IL34: variants seen among roughly 807,000 people sequenced by gnomAD.
IL34 encodes interleukin 34.
Under a neutral mutation model 25.3 loss-of-function variants are expected in IL34, and 17 were observed. The ratio of observed to expected loss-of-function variants is 0.67; its 90% CI spans 0.46 to 1.01. The LOEUF (loss-of-function observed/expected upper bound fraction) is 1.01. Among genes scored for constraint, IL34 ranks in the 50% least tolerant of loss-of-function variants. IL34 has a pLI of 0.00. For missense variants in IL34, 368 were observed against 312.9 expected (o/e 1.18, Z -1.33); for synonymous variants, 174 against 140.9 (o/e 1.23, Z -1.66).
At position 70,646,614 on chromosome 16, in the gene IL34, C is replaced by T; in HGVS notation, c.-334C>T. 1 of 357,814 alleles carries T rather than the reference C, an allele frequency of 2.8e-6. No individual in the cohort carries two copies. The highest frequency in any genetic ancestry group is 9.3e-5 in the South Asian group (1 of 10,760). 22.2% of individuals were successfully genotyped at this position (357,814 alleles called of 1,614,324 possible). Reference sequence around the variant, plus strand: ...AGAAAGCGTCACCCAGCCCCAGATTCCGAGGGGCCTGCCAGGGACTCTCTC... The same window carrying T: ...AGAAAGCGTCACCCAGCCCCAGATTTCGAGGGGCCTGCCAGGGACTCTCTC... On this transcript the variant is annotated 5_prime_UTR_variant, in exon 1 of 6. Transcript: ENST00000288098.
intron 4 of IL34, among the ~76,000 whole-genome samples, chr16:70,658,722 C>G (rs1414026374): frequency 1.3e-5 from 2 of 152,162 alleles, no homozygotes; most frequent in African/African-American, 4.8e-5. Context: ...ATGCCTCCCT[C>G]AGCCTCCCAA....
chr16:70,625,992 G>C (rs999225564), intron 1 of IL34, among the ~76,000 whole-genome samples: 1 of 152,170 alleles, frequency 6.6e-6, no homozygotes, highest in Non-Finnish European at 1.5e-5. Context: ...GAGGTCCCCC[G>C]ATCCGAGTCA....
intron 1 of IL34, among the ~76,000 whole-genome samples, chr16:70,631,453 T>TAAAAC (rs914419739): frequency 6.6e-6 from 1 of 152,228 alleles, no homozygotes; most frequent in Non-Finnish European, 1.5e-5. Context: ...TATTAACTTT[T>TAAAAC]AAAACAAAAC....
intron 1 of IL34, among the ~76,000 whole-genome samples, chr16:70,641,117 C>CA (rs71387534): frequency 0.3 from 46,216 of 151,634 alleles, 7,294 homozygotes; most frequent in South Asian, 0.47. Flanking sequence ...ACTAAACATA[C>CA]AAAAAAATCA....
intron 1 of IL34, among the ~76,000 whole-genome samples, chr16:70,601,473 A>G (rs1006017504): frequency 6.6e-6 from 1 of 151,928 alleles, no homozygotes; most frequent in Non-Finnish European, 1.5e-5. Flanking sequence ...GTTCAGTGGC[A>G]CAATCTCAGC....
chr16:70,656,587 C>G lies in IL34; in HGVS notation c.163-15C>G, dbSNP rs1165312056. 1 of 1,129,310 alleles carries G rather than the reference C, an allele frequency of 8.9e-7. No individual in the cohort carries two copies. Among genetic ancestry groups the G allele is most frequent in the Non-Finnish European group, 1.4e-6 (1 of 736,528 alleles). 70.0% of individuals were successfully genotyped at this position (1,129,310 alleles called of 1,614,324 possible). ...TCTACTTCTGGCCTCATAGTTTGTT[C>G]TTGTGCCTCTCCAGAAACACTACTT... On this transcript the variant is annotated splice_polypyrimidine_tract_variant and intron_variant, in intron 2 of 5. Transcript: ENST00000288098.
chr16:70,643,763 T>G (rs993183152), upstream of IL34, among the ~76,000 whole-genome samples: 3 of 152,238 alleles, frequency 2.0e-5, no homozygotes, highest in Non-Finnish European at 4.4e-5. Flanking sequence ...CATCAGAGAT[T>G]TAAAAAATAA....
intron 1 of IL34, among the ~76,000 whole-genome samples, chr16:70,623,790 G>C (rs1161254815): frequency 6.6e-6 from 1 of 151,208 alleles, no homozygotes; most frequent in African/African-American, 2.5e-5. Flanking sequence ...GGCAGGTGGG[G>C]ATAACTAAAA....
chr16:70,623,050 C>T lies in IL34; in HGVS notation c.-400-23498C>T, dbSNP rs144566917. ...TGAGGTTTGGGGGATTAATCGGACA[C>T]GAGCAGCAGGGGGAGCACCTGTGTT... On this transcript the variant is annotated intron_variant, in intron 1 of 6. Coordinates refer to the IL34 transcript ENST00000429149. 2.6e-4 allele frequency among the ~76,000 whole-genome samples: 40 copies of T among 152,078 alleles called. 1 individual carries two copies. In the South Asian group the frequency reaches 6.2e-3, roughly 24 times the overall value.
At chr16:70,643,716 A>G (rs1473315189), upstream of IL34, among the ~76,000 whole-genome samples, 2 of 152,206 alleles carry the variant, frequency 1.3e-5, no homozygotes, top group Non-Finnish European at 2.9e-5. Context: ...TGCAAATTAT[A>G]TATTGATTTT....
intron 1 of IL34, among the ~76,000 whole-genome samples, chr16:70,585,251 A>G (rs1409320124): frequency 1.3e-5 from 2 of 152,102 alleles, no homozygotes; most frequent in Admixed American, 6.6e-5. Context: ...ACTTAGCATA[A>G]TGTCCTCAAG....
chr16:70,611,758 C>T (rs1000651606), intron 1 of IL34, among the ~76,000 whole-genome samples: 9 of 152,114 alleles, frequency 5.9e-5, no homozygotes, highest in African/African-American at 1.9e-4. Flanking sequence ...ACAGGAGAAT[C>T]GCTGGAACCC....
At chr16:70,607,164 C>T (rs537006816) in intron 1 of IL34, among the ~76,000 whole-genome samples, 38 of 152,130 alleles carry the variant, frequency 2.5e-4, no homozygotes, top group African/African-American at 8.9e-4. Context: ...TGCAGTGGCT[C>T]GATCTCTGCT....
In IL34 at chr16:70,659,686, G is replaced by A; in HGVS notation, c.471G>A (p.Lys157=). Reference sequence around the variant, plus strand: ...TGAATGCCCCAGGGCCAAACCTGAAGCTGGTGCGGCCCAAAGCCCTGCTGG... The same window carrying A: ...TGAATGCCCCAGGGCCAAACCTGAAACTGGTGCGGCCCAAAGCCCTGCTGG... ...SLLNAPGPNL[K]LVRPKALLDN... Residue 157 remains lysine, a synonymous_variant, in exon 5 of 6, where the codon AAG becomes AAA. Coordinates refer to ENST00000288098, the MANE Select transcript of IL34 (RefSeq NM_001393494.1). 1.2e-6 allele frequency: 2 copies of A among 1,612,810 alleles called. No homozygotes were observed. Among genetic ancestry groups the A allele is most frequent in the Non-Finnish European group, 1.7e-6 (2 of 1,179,528 alleles).
At chr16:70,615,134 G>T (rs905628677) in intron 1 of IL34, among the ~76,000 whole-genome samples, 12 of 152,278 alleles carry the variant, frequency 7.9e-5, no homozygotes, top group Admixed American at 2.0e-4. Context: ...TACGGTGTAT[G>T]CATTTTTGCA....
In IL34 at chr16:70,660,279, G is replaced by A; in HGVS notation, c.*92G>A. ...GAGACTTCAAGGGGTGGTGGTGGGA[G>A]CCCCCCTTGGGAGAGGACCCCTGGG... On this transcript the variant is annotated 3_prime_UTR_variant, in exon 6 of 6. Transcript: ENST00000288098. 3 of 1,245,320 alleles carry A rather than the reference G, an allele frequency of 2.4e-6. No individual in the cohort carries two copies. Among genetic ancestry groups the A allele is most frequent in the East Asian group, 5.1e-5 (2 of 39,340 alleles). 77.1% of individuals were successfully genotyped at this position (1,245,320 alleles called of 1,614,324 possible).
intron 1 of IL34, among the ~76,000 whole-genome samples, chr16:70,602,583 A>ATGTGTGTGTGTGTGTGTGTGTG (rs3058045): frequency 3.7e-5 from 5 of 134,960 alleles, no homozygotes; most frequent in African/African-American, 1.4e-4. Flanking sequence ...TTTGGAATTG[A>ATGTGTGTGTGTGTGTGTGTGTG]TGTGTGTGTG....
chr16:70,632,810 T>G (rs1018369755), intron 1 of IL34, among the ~76,000 whole-genome samples: 1 of 152,122 alleles, frequency 6.6e-6, no homozygotes, highest in African/African-American at 2.4e-5. Context: ...AGAGTAGCAT[T>G]GGGCTGGCCT....
intron 4 of IL34, 98 bp from the exon 5 acceptor site, chr16:70,659,520 C>A: frequency 7.0e-7 from 1 of 1,421,160 alleles, no homozygotes. Context: ...GTCCTTCTTC[C>A]GGGGTTTGGG....
Sources: allele counts gnomAD v4.1 joint callset (sites outside exome capture counted in the v4.1 genomes callset), GRCh38; gene constraint gnomAD v4.1.1; transcripts MANE v1.5; gene names NCBI Gene and HGNC (gene_info 2026-07-23, HGNC 2026-07-21).